PIGN: variants seen among roughly 807,000 people sequenced by gnomAD.
The protein encoded by PIGN is phosphatidylinositol glycan anchor biosynthesis class N.
Under a neutral mutation model 125.4 loss-of-function variants are expected in PIGN, and 117 were observed. That is an observed-to-expected ratio of 0.93 (90% CI 0.80 to 1.09). The LOEUF is 1.09. Among genes scored for constraint, PIGN ranks in the 50% least tolerant of loss-of-function variants. The probability of loss-of-function intolerance (pLI) is 0.00; values close to 1 mark genes in which losing one functional copy is unlikely to be tolerated. For missense variants in PIGN, 1,075 were observed against 1,094.9 expected (o/e 0.98, Z 0.26); for synonymous variants, 392 against 377.8 (o/e 1.04, Z -0.44).
chr18:62,105,501 A>C, intron 20 of PIGN, 42 bp downstream of exon 20: 1 of 1,155,638 alleles, frequency 8.7e-7, no homozygotes, highest in East Asian at 2.6e-5. Flanking sequence ...TGAGGAAAAA[A>C]AAGTGTATTG....
intron 14 of PIGN, among the ~76,000 whole-genome samples, chr18:62,125,286 A>C (rs2035492942): frequency 6.6e-6 from 1 of 151,798 alleles, no homozygotes; most frequent in Non-Finnish European, 1.5e-5. Context: ...ACACACACGA[A>C]TTTTTAATGT....
In PIGN at chr18:62,102,836, T is replaced by C. The variant is rs760848888; in HGVS notation, c.1926A>G (p.Lys642=). 3.1e-5 allele frequency: 49 copies of C among 1,581,446 alleles called. No homozygotes were observed. The highest frequency in any genetic ancestry group is 4.0e-5 in the Non-Finnish European group (46 of 1,161,824). Residue 642 remains lysine (K), a synonymous_variant, in exon 21 of 31, where the codon AAA becomes AAG. Transcript: ENST00000640252. The part of the protein sequence containing the change: ...LCVVTSLMKR[K]DSFIKEELLV... ...ATAGCTCTTCCTTTATAAAGCTATCTTTTCTTTTCATGAGAGATGTTACAA... is the reference window on the plus strand; with the variant it reads ...ATAGCTCTTCCTTTATAAAGCTATCCTTTCTTTTCATGAGAGATGTTACAA...
chr18:62,148,772 C>G (rs904617945), intron 7 of PIGN, among the ~76,000 whole-genome samples: 1 of 152,056 alleles, frequency 6.6e-6, no homozygotes, highest in Non-Finnish European at 1.5e-5. Flanking sequence ...TCAACCTAGT[C>G]CAACCGTAAT....
Position 62,139,933 on chromosome 18 carries a change from A to G in PIGN, c.1023+487T>C, listed in dbSNP as rs1299165620. Among the ~76,000 whole-genome samples, 2 of 152,188 alleles carry G rather than the reference A, an allele frequency of 1.3e-5. 1 individual carries two copies. Among genetic ancestry groups the G allele is most frequent in the Admixed American group, 1.3e-4 (2 of 15,282 alleles). ...AAGCACCACTTTGTTTCAGCAAATC[A>G]CCAATATCTTTTCAATAATTTCCCT... On this transcript the variant is annotated intron_variant, in intron 12 of 30. Transcript: ENST00000640252.
chr18:62,080,471 G>A (rs2033395607), intron 28 of PIGN, among the ~76,000 whole-genome samples: 1 of 152,150 alleles, frequency 6.6e-6, no homozygotes, highest in Non-Finnish European at 1.5e-5. Flanking sequence ...TAAAATGAAT[G>A]TGTGCCAGAC....
At chr18:62,056,438 A>T (rs553101354) in intron 30 of PIGN, among the ~76,000 whole-genome samples, 4 of 152,146 alleles carry the variant, frequency 2.6e-5, no homozygotes, top group Admixed American at 2.0e-4. Flanking sequence ...TTCTTCTCTG[A>T]GTCAAACCAA....
chr18:62,072,663 T>C lies in PIGN; in HGVS notation c.2672+10A>G, dbSNP rs371187651. ...TGTTGTTAAGCAATGCATGACCATA[T>C]ATACTATACCTTGTCCCAATATCAA... On this transcript the variant is annotated intron_variant, in intron 30 of 30. Transcript: ENST00000640252. 7 of 1,598,878 alleles carry C rather than the reference T, an allele frequency of 4.4e-6. No homozygotes were observed. Among genetic ancestry groups the C allele is most frequent in the African/African-American group, 2.7e-5 (2 of 74,310 alleles).
chr18:62,041,083 CAT>C (rs1380626378), downstream of PIGN: 24 of 152,264 alleles, frequency 1.6e-4, no homozygotes, highest in Admixed American at 1.5e-3. Flanking sequence ...GTTTTCTTTT[CAT>C]AGTTTTTTTA....
chr18:62,079,872 A>G, intron 28 of PIGN, among the ~76,000 whole-genome samples: 1 of 152,100 alleles, frequency 6.6e-6, no homozygotes, highest in East Asian at 1.9e-4. Context: ...CTTCATATAA[A>G]ATTAATTTAA....
chr18:62,068,130 A>G (rs1208473048), intron 30 of PIGN, among the ~76,000 whole-genome samples: 1 of 152,152 alleles, frequency 6.6e-6, no homozygotes, highest in African/African-American at 2.4e-5. Flanking sequence ...TTGTCTCTTT[A>G]GAGGTGTCTT....
intron 30 of PIGN, among the ~76,000 whole-genome samples, chr18:62,054,169 G>GAT (rs1242806997): frequency 7.4e-6 from 1 of 134,702 alleles, no homozygotes; most frequent in Non-Finnish European, 1.7e-5. Context: ...CCATATACCT[G>GAT]ATATCACCAC....
chr18:62,051,595 CTTCT>C (rs2031295153), intron 30 of PIGN, among the ~76,000 whole-genome samples: 1 of 151,882 alleles, frequency 6.6e-6, no homozygotes, highest in Non-Finnish European at 1.5e-5. Context: ...TCTCTCTTTT[CTTCT>C]TTATTAGTCT....
At chr18:62,125,858 G>T (rs576168273) in intron 14 of PIGN, among the ~76,000 whole-genome samples, 1 of 151,830 alleles carries the variant, frequency 6.6e-6, no homozygotes, top group South Asian at 2.1e-4. Context: ...TTTAAAATAC[G>T]AATGAAAAAC....
At chr18:62,070,156 G>A (rs55939053) in intron 30 of PIGN, 69,529 of 364,948 alleles carry the variant, frequency 0.19, 8,132 homozygotes, top group Non-Finnish European at 0.24. Flanking sequence ...GAGAAACGGG[G>A]GGCTTAGAGA....
At chr18:62,115,777 T>C (rs575803897) in intron 14 of PIGN, among the ~76,000 whole-genome samples, 91 of 152,202 alleles carry the variant, frequency 6.0e-4, no homozygotes, top group African/African-American at 2.2e-3. Flanking sequence ...CAGAAGCTTA[T>C]CTATGAACTC....
intron 14 of PIGN, among the ~76,000 whole-genome samples, chr18:62,125,171 TGTATATAAATATACAC>T (rs2035480623): frequency 7.4e-6 from 1 of 134,956 alleles, no homozygotes; most frequent in Admixed American, 7.2e-5. Flanking sequence ...TGTACATATG[TGTATATAAATATACAC>T]GTTTGTACAT....
intron 23 of PIGN, among the ~76,000 whole-genome samples, chr18:62,031,057 C>T (rs2030188202): frequency 6.6e-6 from 1 of 152,134 alleles, no homozygotes; most frequent in Non-Finnish European, 1.5e-5. Context: ...CCAAATCTCA[C>T]CTTGAATTAT....
chr18:62,157,057 T>A, intron 6 of PIGN, 72 bp downstream of exon 6: 1 of 635,262 alleles, frequency 1.6e-6, no homozygotes, highest in Non-Finnish European at 2.6e-6. Flanking sequence ...ATTACATACA[T>A]AAAAATAGAA....
At chr18:62,167,257 TATATAG>T (rs1455508887) in intron 1 of PIGN, among the ~76,000 whole-genome samples, 3 of 129,930 alleles carry the variant, frequency 2.3e-5, no homozygotes, top group South Asian at 2.6e-4. Flanking sequence ...CACACACATA[TATATAG>T]ATAGAGATAT....
Sources: allele counts gnomAD v4.1 joint callset (sites outside exome capture counted in the v4.1 genomes callset), GRCh38; gene constraint gnomAD v4.1.1; transcripts MANE v1.5; gene names NCBI Gene and HGNC (gene_info 2026-07-23, HGNC 2026-07-21).